Variants in STK32B observed in about 807,000 individuals in gnomAD.
STK32B encodes serine/threonine kinase 32B, also known as serine/threonine-protein kinase 32B.
In STK32B, 43 loss-of-function variants were observed where a neutral mutation model predicts 52.6. The observed-to-expected ratio is 0.82, with a 90% confidence interval of 0.64 to 1.05. The LOEUF is 1.05. Among genes scored for constraint, STK32B ranks in the 50% least tolerant of loss-of-function variants. The pLI is 0.00. For missense variants in STK32B, 621 were observed against 534.6 expected (o/e 1.16, Z -1.59); for synonymous variants, 238 against 204.3 (o/e 1.17, Z -1.41).
At position 5,240,360 on chromosome 4, in the gene STK32B, CAGTT is replaced by C. The variant is rs532096932; in HGVS notation, c.260+71913_260+71916del. Among the ~76,000 whole-genome samples the C allele has an allele frequency of 1.1e-4, 17 of 152,098 alleles. No homozygotes were observed. In the East Asian group the frequency reaches 2.9e-3, roughly 26 times the overall value. On this transcript the variant is annotated intron_variant, in intron 3 of 11. Transcript: ENST00000282908. ...CAACTCCTAAGTATTAATCTTTTGT[CAGTT>C]AGATACATTGCAAATATGTTCTTCA...
At chr4:5,192,442 G>C (rs528750706) in intron 3 of STK32B, among the ~76,000 whole-genome samples, 6 of 152,140 alleles carry the variant, frequency 3.9e-5, no homozygotes, top group African/African-American at 1.4e-4. Context: ...GCCCCAGGCT[G>C]TTCTGAGTTC....
chr4:5,118,342 C>A (rs963829445), intron 1 of STK32B, among the ~76,000 whole-genome samples: 1 of 152,192 alleles, frequency 6.6e-6, no homozygotes, highest in African/African-American at 2.4e-5. Context: ...TTTTGACTGG[C>A]ATGTAAGTGT....
intron 7 of STK32B, among the ~76,000 whole-genome samples, chr4:5,456,047 G>A (rs2369712): frequency 0.61 from 92,604 of 151,884 alleles, 28,499 homozygotes; most frequent in East Asian, 0.7. Flanking sequence ...TGTTCATGGG[G>A]GTTGGGGCAG....
Position 5,058,715 on chromosome 4 carries a change from GC to G in STK32B, c.52+6803del, listed in dbSNP as rs1479324354. The stretch of plus-strand genomic sequence containing the variant: ...GTAGACCATAGGAACACACCACCAT[GC>G]CCTGCTAGTTTATTTATTTATTTTT... On this transcript the variant is annotated intron_variant, in intron 1 of 11. Coordinates refer to ENST00000282908, the MANE Select transcript of STK32B (RefSeq NM_018401.3). This position sits in a 1 kb window ranked among gnomAD's most constrained non-coding sequence, Gnocchi z 4.8. Among the ~76,000 whole-genome samples, 2 of 151,972 alleles carry G rather than the reference GC, an allele frequency of 1.3e-5. No homozygotes were observed. The highest frequency in any genetic ancestry group is 4.8e-5 in the African/African-American group (2 of 41,370).
chr4:5,226,146 CAT>C (rs1223079870), intron 3 of STK32B, among the ~76,000 whole-genome samples: 2 of 152,188 alleles, frequency 1.3e-5, no homozygotes, highest in Non-Finnish European at 2.9e-5. Context: ...GAAGAAATAT[CAT>C]GTGTAAGCAA....
chr4:5,207,868 A>G (rs1722671311), intron 3 of STK32B, among the ~76,000 whole-genome samples: 2 of 151,888 alleles, frequency 1.3e-5, no homozygotes, highest in South Asian at 2.1e-4. Flanking sequence ...TGGACATTTC[A>G]GTTTATTACT....
intron 3 of STK32B, 97 bp downstream of exon 3, chr4:5,168,547 G>A: frequency 7.2e-7 from 1 of 1,382,040 alleles, no homozygotes; most frequent in South Asian, 1.6e-5. Context: ...ATTGTAAAGG[G>A]AAAGGGATGC....
chr4:5,337,147 T>C (rs940153250), intron 4 of STK32B, among the ~76,000 whole-genome samples: 6 of 17,348 alleles, frequency 3.5e-4, no homozygotes, highest in South Asian at 4.2e-3. Flanking sequence ...CCTGGCCAAT[T>C]TTTTTTTTTT....
At chr4:5,492,292 C>T (rs1454976689) in intron 11 of STK32B, among the ~76,000 whole-genome samples, 1 of 152,138 alleles carries the variant, frequency 6.6e-6, no homozygotes, top group African/African-American at 2.4e-5. Flanking sequence ...AGAGGTCCTT[C>T]ACATCCCTTG....
In STK32B at chr4:5,467,457, C is replaced by T. The variant is rs1323717991; in HGVS notation, c.1042-549C>T. 6.6e-6 allele frequency among the ~76,000 whole-genome samples: 1 copy of T among 152,180 alleles called. No homozygotes were observed. The highest frequency in any genetic ancestry group is 1.5e-5 in the Non-Finnish European group (1 of 68,028). ...TATTCTCTGTGTCTTCGCATGTCTT[C>T]ATATGGCCTTCATATAAGGACCCCA... On this transcript the variant is annotated intron_variant, in intron 10 of 11. Transcript: ENST00000282908. The surrounding 1 kb of genome is among the most constrained non-coding windows in gnomAD (Gnocchi z 5.8).
chr4:5,110,219 C>T (rs542002824), intron 1 of STK32B, among the ~76,000 whole-genome samples: 117 of 141,908 alleles, frequency 8.2e-4, no homozygotes, highest in African/African-American at 2.8e-3. Context: ...ATTAAATTAC[C>T]AATGTCATTT....
In STK32B at chr4:5,467,927, G is replaced by A. The variant is rs2109168475; in HGVS notation, c.1042-79G>A. On this transcript the variant is annotated intron_variant, in intron 10 of 11. Coordinates refer to ENST00000282908, the MANE Select transcript of STK32B (RefSeq NM_018401.3). The surrounding 1 kb of genome is among the most constrained non-coding windows in gnomAD (Gnocchi z 5.8). ...CTGAGGTTTCCATCTAGGTCAGTCT[G>A]CCGTCCTGTGATGCTCCATTACCGC... is the stretch of plus-strand genomic sequence containing the variant. The A allele has an allele frequency of 6.6e-7, 1 of 1,525,900 alleles. No individual in the cohort carries two copies. Among genetic ancestry groups the A allele is most frequent in the African/African-American group, 1.4e-5 (1 of 73,230 alleles). The allele number at this position is 1,525,900 out of a possible 1,614,324, so 94.5% of individuals were successfully genotyped here. A position where few individuals can be genotyped will look rare whatever the true frequency, so the allele number is the denominator to read the frequency against.
intron 1 of STK32B, among the ~76,000 whole-genome samples, chr4:5,076,447 A>G (rs1308767543): frequency 6.6e-6 from 1 of 151,024 alleles, no homozygotes; most frequent in East Asian, 1.9e-4. Context: ...CCTTGCATTC[A>G]TGATAATTTC....
At chr4:5,410,453 G>T (rs1711576593) in intron 5 of STK32B, among the ~76,000 whole-genome samples, 1 of 152,152 alleles carries the variant, frequency 6.6e-6, no homozygotes, top group Non-Finnish European at 1.5e-5. Flanking sequence ...CTAACTCTTG[G>T]TCTTCCTTCC....
intron 3 of STK32B, among the ~76,000 whole-genome samples, chr4:5,290,908 G>A (rs7682788): frequency 0.07 from 10,602 of 151,944 alleles, 433 homozygotes; most frequent in South Asian, 0.098. Flanking sequence ...AAATTCATAC[G>A]GAAAGGCAAG....
chr4:5,221,820 C>T (rs142403411), intron 3 of STK32B, among the ~76,000 whole-genome samples: 2,235 of 131,514 alleles, frequency 0.017, 59 homozygotes, highest in African/African-American at 0.062. Context: ...GATGCCACTG[C>T]ATTCCAGCCT....
chr4:5,076,065 G>A (rs1712052723), intron 1 of STK32B, among the ~76,000 whole-genome samples: 1 of 152,182 alleles, frequency 6.6e-6, no homozygotes, highest in Non-Finnish European at 1.5e-5. Context: ...AGTGCTAAGA[G>A]GATAAGCCCA....
chr4:5,179,256 A>G (rs1720165889), intron 3 of STK32B, among the ~76,000 whole-genome samples: 1 of 152,226 alleles, frequency 6.6e-6, no homozygotes, highest in Non-Finnish European at 1.5e-5. Context: ...CACTATCACG[A>G]GAACAGCATA....
intron 3 of STK32B, among the ~76,000 whole-genome samples, chr4:5,316,802 T>C (rs374136968): frequency 6.5e-4 from 1 of 1,534 alleles, no homozygotes; most frequent in Non-Finnish European, 9.0e-4. Context: ...TATTATATAT[T>C]ATATATATTA....
Sources: allele counts gnomAD v4.1 joint callset (sites outside exome capture counted in the v4.1 genomes callset), GRCh38; gene constraint gnomAD v4.1.1; non-coding constraint Gnocchi (gnomAD v3.1); transcripts MANE v1.5; gene names NCBI Gene and HGNC (gene_info 2026-07-23, HGNC 2026-07-21).